ABCC4: variants seen among roughly 807,000 people sequenced by gnomAD.
ABCC4 encodes the protein ATP-binding cassette sub-family C member 4.
Under a neutral mutation model 168.5 loss-of-function variants are expected in ABCC4, and 102 were observed. The observed-to-expected ratio is 0.61, with a 90% confidence interval of 0.52 to 0.71. The LOEUF (loss-of-function observed/expected upper bound fraction) is 0.71. ABCC4 is among the 30% of genes least tolerant of loss of function. The pLI is 0.00. For missense variants in ABCC4, 1,402 were observed against 1,605.8 expected, an observed-to-expected ratio of 0.87 and a Z score of 2.17; for synonymous variants, 617 against 590.7, an observed-to-expected ratio of 1.04 and a Z score of -0.65.
chr13:95,281,299 C>CAAAAAAAAAAAAAAAAAAAA (rs10541756), intron 1 of ABCC4, among the ~76,000 whole-genome samples: 1 of 48,708 alleles, frequency 2.1e-5, no homozygotes, highest in Non-Finnish European at 3.6e-5. Flanking sequence ...GAGACTCTCT[C>CAAAAAAAAAAAAAAAAAAAA]AAAAAAAAAA....
intron 1 of ABCC4, among the ~76,000 whole-genome samples, chr13:95,296,109 G>A (rs552870643): frequency 5.1e-4 from 76 of 148,962 alleles, no homozygotes; most frequent in Middle Eastern, 3.5e-3. Context: ...CTCCCACCTG[G>A]GCAACAGAGC....
intron 30 of ABCC4, among the ~76,000 whole-genome samples, chr13:95,024,192 G>A (rs2031254232): frequency 7.5e-6 from 1 of 133,416 alleles, no homozygotes; most frequent in Non-Finnish European, 1.6e-5. Context: ...GGGTGACAGA[G>A]TGAGAGACTG....
chr13:95,176,150 T>TAA lies in ABCC4; in HGVS notation c.1727+1555_1727+1556dup, dbSNP rs142931660. 6.4e-3 allele frequency among the ~76,000 whole-genome samples: 875 copies of TAA among 137,636 alleles called. 12 individuals are homozygous for TAA. Among genetic ancestry groups the TAA allele is most frequent in the African/African-American group, 0.021 (769 of 36,878 alleles). 90.3% of individuals were successfully genotyped at this position (137,636 alleles called of 152,430 possible). On this transcript the variant is annotated intron_variant, in intron 13 of 30. Coordinates refer to ENST00000645237, the MANE Select transcript of ABCC4 (RefSeq NM_005845.5). ...ATCTCTGCTGCCCACTTCTTCCATTTAAAAAAAAAGATTGTCGTATGCCAG... is the reference window on the plus strand; with the variant it reads ...ATCTCTGCTGCCCACTTCTTCCATTTAAAAAAAAAAAGATTGTCGTATGCCAG...
chr13:95,228,548 G>A (rs1347435810), intron 4 of ABCC4, among the ~76,000 whole-genome samples: 2 of 152,124 alleles, frequency 1.3e-5, no homozygotes, highest in Admixed American at 1.3e-4. Flanking sequence ...GTCAATGTAG[G>A]CGCATTACCT....
intron 19 of ABCC4, among the ~76,000 whole-genome samples, chr13:95,140,604 T>A (rs2139478849): frequency 6.6e-6 from 1 of 152,320 alleles, no homozygotes; most frequent in South Asian, 2.1e-4. Context: ...AAGGAAATCA[T>A]TTAGTTGAAC....
chr13:95,272,166 T>C (rs1392429884), intron 1 of ABCC4, among the ~76,000 whole-genome samples: 1 of 152,040 alleles, frequency 6.6e-6, no homozygotes, highest in African/African-American at 2.4e-5. Context: ...TGCCTCAGCC[T>C]CCTGAGTAGC....
In ABCC4 at chr13:95,168,522, G is replaced by A. The variant is rs1001780970; in HGVS notation, c.1824+2010C>T. Among the ~76,000 whole-genome samples, 3 of 152,208 alleles carry A rather than the reference G, an allele frequency of 2.0e-5. No homozygotes were observed. In the East Asian group the frequency reaches 5.8e-4, roughly 29 times the overall value. ...TATATACCCCGTTTGTTGCAATAAT[G>A]TGAAATTTATCTCCCTTGGAGAACG... is the stretch of plus-strand genomic sequence containing the variant. On this transcript the variant is annotated intron_variant, in intron 14 of 30. Transcript: ENST00000645237.
chr13:95,252,652 G>A (rs145830412), intron 1 of ABCC4, among the ~76,000 whole-genome samples: 36 of 152,226 alleles, frequency 2.4e-4, no homozygotes, highest in Non-Finnish European at 3.1e-4. Context: ...TCCAGCCTAG[G>A]TGACAGAGCG....
At chr13:95,172,366 G>C (rs2037505883) in intron 13 of ABCC4, among the ~76,000 whole-genome samples, 1 of 152,140 alleles carries the variant, frequency 6.6e-6, no homozygotes, top group African/African-American at 2.4e-5. Flanking sequence ...CAGATCACTT[G>C]AGGTCGGGAG....
At chr13:95,183,139 A>C (rs2037953115) in intron 11 of ABCC4, among the ~76,000 whole-genome samples, 1 of 151,238 alleles carries the variant, frequency 6.6e-6, no homozygotes, top group African/African-American at 2.4e-5. Context: ...ATAAGGCAAA[A>C]TCTTTTATTT....
intron 29 of ABCC4, chr13:95,043,456 T>G (rs1281212088): frequency 2.2e-6 from 1 of 447,036 alleles, no homozygotes; most frequent in Non-Finnish European, 4.0e-6. Context: ...ATGGTAAACT[T>G]TTAACATATG....
chr13:95,082,576 A>G (rs1212778481), intron 21 of ABCC4, among the ~76,000 whole-genome samples: 1 of 152,220 alleles, frequency 6.6e-6, no homozygotes, highest in Non-Finnish European at 1.5e-5. Flanking sequence ...ACTGAAAATA[A>G]CAATGCTTAT....
intron 20 of ABCC4, among the ~76,000 whole-genome samples, chr13:95,094,648 A>AT (rs1456877560): frequency 3.3e-5 from 5 of 152,222 alleles, no homozygotes; most frequent in African/African-American, 1.2e-4. Flanking sequence ...AGCAAATGCA[A>AT]TAAAAACAAA....
chr13:95,248,610 T>A (rs1475545513), intron 1 of ABCC4, among the ~76,000 whole-genome samples: 2 of 152,128 alleles, frequency 1.3e-5, no homozygotes, highest in African/African-American at 4.8e-5. Flanking sequence ...AATCATTAAA[T>A]GATAATAATT....
rs529368602 is a variant in ABCC4, at chr13:95,230,200, G to A, written c.531+4410C>T. On this transcript the variant is annotated intron_variant, in intron 4 of 30. Coordinates refer to ENST00000645237, the MANE Select transcript of ABCC4 (RefSeq NM_005845.5). ...ACAGTCTTTTTATTTGGTAAAAGTT[G>A]TAAGAAATAACACAGAGTTCCGAGG... 2.6e-5 allele frequency among the ~76,000 whole-genome samples: 4 copies of A among 152,172 alleles called. No individual in the cohort carries two copies. The East Asian group carries it at 7.7e-4, about 29-fold the overall frequency.
chr13:95,096,318 G>A (rs928040452), intron 20 of ABCC4: 2 of 426,692 alleles, frequency 4.7e-6, no homozygotes, highest in Non-Finnish European at 8.2e-6. Context: ...AGACTGGAAT[G>A]CAACACCCTA....
intron 19 of ABCC4, among the ~76,000 whole-genome samples, chr13:95,148,429 C>T (rs1238585874): frequency 1.3e-5 from 2 of 152,056 alleles, no homozygotes; most frequent in Non-Finnish European, 2.9e-5. Flanking sequence ...AAAGAAAAAT[C>T]CTTCCATTTG....
chr13:95,259,690 T>C (rs7325256), intron 1 of ABCC4, among the ~76,000 whole-genome samples: 14,977 of 152,214 alleles, frequency 0.098, 1,621 homozygotes, highest in African/African-American at 0.26. Flanking sequence ...AATGTTGACC[T>C]CAGACAGAAG....
intron 1 of ABCC4, among the ~76,000 whole-genome samples, chr13:95,277,530 G>T (rs887399858): frequency 6.6e-6 from 1 of 151,324 alleles, no homozygotes; most frequent in Non-Finnish European, 1.5e-5. Flanking sequence ...GCAGTGAGCT[G>T]GGACCATGCC....
Sources: gnomAD v4.1 joint callset for allele counts (sites outside exome capture counted in the v4.1 genomes callset) on GRCh38, gnomAD v4.1.1 for gene constraint, MANE v1.5 for transcripts, NCBI Gene and HGNC (gene_info 2026-07-23, HGNC 2026-07-21) for gene names.